The following NAALADL2 variants were observed in gnomAD, a reference collection of about 807,000 sequenced individuals.
The protein encoded by NAALADL2 is inactive N-acetylated-alpha-linked acidic dipeptidase-like protein 2.
In NAALADL2, 76 loss-of-function variants were observed where a neutral mutation model predicts 87.2. The ratio of observed to expected loss-of-function variants is 0.87; its 90% CI spans 0.72 to 1.05. NAALADL2 has a LOEUF of 1.05. NAALADL2 is among the 50% of genes least tolerant of loss of function. NAALADL2 has a pLI of 0.00. For synonymous variants in NAALADL2, 354 were observed against 331.0 expected, an observed-to-expected ratio of 1.07 and a Z score of -0.75; for missense variants, 1,089 against 945.8, an observed-to-expected ratio of 1.15 and a Z score of -1.99.
intron 1 of NAALADL2, among the ~76,000 whole-genome samples, chr3:175,062,476 C>CTGTG (rs71792051): frequency 0.049 from 6,439 of 131,438 alleles, 180 homozygotes; most frequent in African/African-American, 0.079. Context: ...GGAAGTTTGG[C>CTGTG]TGTGTGTGTG....
chr3:174,790,174 G>A (rs1378756444), intron 3 of NAALADL2, among the ~76,000 whole-genome samples: 2 of 152,160 alleles, frequency 1.3e-5, no homozygotes, highest in Non-Finnish European at 2.9e-5. Flanking sequence ...TTTCCTGGTG[G>A]AGGGTGTAGC....
At chr3:174,743,745 A>G (rs1733978888) in intron 3 of NAALADL2, among the ~76,000 whole-genome samples, 1 of 151,846 alleles carries the variant, frequency 6.6e-6, no homozygotes. Flanking sequence ...CAATGTTTTG[A>G]CACCTTTTCT....
At chr3:175,540,548 T>C (rs944027731) in intron 9 of NAALADL2, among the ~76,000 whole-genome samples, 1 of 152,062 alleles carries the variant, frequency 6.6e-6, no homozygotes, top group Non-Finnish European at 1.5e-5. Flanking sequence ...TATTTTTTTT[T>C]AAAGGTCATT....
intron 2 of NAALADL2, among the ~76,000 whole-genome samples, chr3:175,130,234 ACTT>A (rs767610677): frequency 1.3e-4 from 20 of 152,064 alleles, no homozygotes; most frequent in Admixed American, 5.9e-4. Context: ...TTGGATATTA[ACTT>A]CTTATCAGAT....
At chr3:174,978,093 G>C (rs899066272) in intron 1 of NAALADL2, among the ~76,000 whole-genome samples, 2 of 152,166 alleles carry the variant, frequency 1.3e-5, no homozygotes, top group African/African-American at 4.8e-5. Context: ...AGCACAGAGA[G>C]GTGAATAAAC....
At chr3:174,571,077 G>A (rs6771942) in intron 2 of NAALADL2, among the ~76,000 whole-genome samples, 3 of 151,978 alleles carry the variant, frequency 2.0e-5, no homozygotes, top group Non-Finnish European at 2.9e-5. Context: ...CTTGCCTTTC[G>A]GATAAGCTTC....
At chr3:174,720,030 G>C (rs1425388313) in intron 2 of NAALADL2, among the ~76,000 whole-genome samples, 1 of 152,126 alleles carries the variant, frequency 6.6e-6, no homozygotes, top group Admixed American at 6.6e-5. Flanking sequence ...TCGCTCTCTT[G>C]ACCTCGTGAT....
chr3:174,896,813 G>A (rs1245583971), intron 1 of NAALADL2, among the ~76,000 whole-genome samples: 1 of 152,084 alleles, frequency 6.6e-6, no homozygotes, highest in Non-Finnish European at 1.5e-5. Flanking sequence ...CATGGAATTG[G>A]CATAAAAACA....
intron 9 of NAALADL2, among the ~76,000 whole-genome samples, chr3:175,493,291 C>T (rs1728356766): frequency 6.6e-6 from 1 of 151,888 alleles, no homozygotes; most frequent in Non-Finnish European, 1.5e-5. Flanking sequence ...ATATGAAGAG[C>T]CACTCTTTCT....
At chr3:175,730,433 TATATATATATACACAC>T (rs1257526538) in intron 11 of NAALADL2, among the ~76,000 whole-genome samples, 3 of 84,032 alleles carry the variant, frequency 3.6e-5, no homozygotes, top group South Asian at 2.9e-4. Flanking sequence ...TATATATATA[TATATATATATACACAC>T]ATACACACGC....
rs137879549 is a variant in NAALADL2 at position 174,502,350 on chromosome 3, G to A, written c.-183-48219G>A. On this transcript the variant is annotated intron_variant, in intron 1 of 3. Coordinates refer to the NAALADL2 transcript ENST00000434257. ...TATAGTTCACTTCAAATTTACATTC[G>A]TGTGATACTTTTTAATTCTTTTAAC... is the stretch of plus-strand genomic sequence containing the variant. Among the ~76,000 whole-genome samples, 93 of 152,092 alleles carry A rather than the reference G, an allele frequency of 6.1e-4. 1 individual carries two copies. In the East Asian group the frequency reaches 0.016, roughly 27 times the overall value.
At chr3:175,769,289 T>G (rs1016873580) in intron 13 of NAALADL2, among the ~76,000 whole-genome samples, 2 of 152,206 alleles carry the variant, frequency 1.3e-5, no homozygotes, top group Non-Finnish European at 2.9e-5. Context: ...CTTTACTTTC[T>G]ATTGGGAAGG....
At chr3:175,198,673 C>A (rs370980804) in intron 2 of NAALADL2, among the ~76,000 whole-genome samples, 1 of 151,906 alleles carries the variant, frequency 6.6e-6, no homozygotes, top group East Asian at 1.9e-4. Context: ...TAAAGTTAAG[C>A]AAAAGGACTT....
intron 9 of NAALADL2, among the ~76,000 whole-genome samples, chr3:175,536,627 T>C (rs1439628015): frequency 6.6e-6 from 1 of 152,058 alleles, no homozygotes; most frequent in East Asian, 1.9e-4. Context: ...AAAGGGCCTT[T>C]GTATTGCTAA....
intron 3 of NAALADL2, among the ~76,000 whole-genome samples, chr3:174,849,749 A>AC (rs946152661): frequency 2.0e-5 from 3 of 151,332 alleles, no homozygotes; most frequent in Non-Finnish European, 4.4e-5. Flanking sequence ...AAAAAAAAAA[A>AC]AAAAAAAAAA....
chr3:174,787,600 T>TATATATATACACAC (rs1716912209), intron 3 of NAALADL2, among the ~76,000 whole-genome samples: 1 of 68,474 alleles, frequency 1.5e-5, no homozygotes, highest in Non-Finnish European at 3.4e-5. Flanking sequence ...TATATATATA[T>TATATATATACACAC]ATATATATAT....
At chr3:175,623,719 T>C (rs9818604) in intron 10 of NAALADL2, among the ~76,000 whole-genome samples, 112,931 of 151,752 alleles carry the variant, frequency 0.74, 42,623 homozygotes, top group East Asian at 0.88. Flanking sequence ...CTGGAAGAGT[T>C]AAGGAAGGAA....
intron 1 of NAALADL2, among the ~76,000 whole-genome samples, chr3:174,879,809 G>T (rs1728968677): frequency 6.6e-6 from 1 of 151,644 alleles, no homozygotes; most frequent in Admixed American, 6.6e-5. Context: ...TCAAGCATTT[G>T]CTCCAACTAT....
intron 2 of NAALADL2, among the ~76,000 whole-genome samples, chr3:174,606,949 C>G (rs1187838668): frequency 6.6e-6 from 1 of 152,148 alleles, no homozygotes; most frequent in African/African-American, 2.4e-5. Flanking sequence ...GGAAGCCCAT[C>G]AGACTAACAG....
Sources: allele counts gnomAD v4.1 joint callset (sites outside exome capture counted in the v4.1 genomes callset), GRCh38; gene constraint gnomAD v4.1.1; transcripts MANE v1.5; gene names NCBI Gene and HGNC (gene_info 2026-07-23, HGNC 2026-07-21).